ULK4: variants seen among roughly 807,000 people sequenced by gnomAD.
ULK4 encodes unc-51 like kinase 4.
In ULK4, 133 loss-of-function variants were observed where a neutral mutation model predicts 160.6. The observed-to-expected ratio is 0.83, with a 90% CI of 0.72 to 0.96. ULK4 has a LOEUF of 0.96. Among genes scored for constraint, ULK4 ranks in the 40% least tolerant of loss-of-function variants. ULK4 has a pLI of 0.00. For missense variants in ULK4, 1,580 were observed against 1,499.5 expected, an observed-to-expected ratio of 1.05 and a Z score of -0.89; for synonymous variants, 534 against 539.8, an observed-to-expected ratio of 0.99 and a Z score of 0.15.
intron 35 of ULK4, among the ~76,000 whole-genome samples, chr3:41,322,688 T>C (rs1233420170): frequency 6.6e-6 from 1 of 152,222 alleles, no homozygotes; most frequent in Non-Finnish European, 1.5e-5. Context: ...CTTACTTCTT[T>C]CCAAGCTATT....
At chr3:41,570,864 A>G (rs1305753928) in intron 31 of ULK4, among the ~76,000 whole-genome samples, 1 of 152,150 alleles carries the variant, frequency 6.6e-6, no homozygotes, top group African/African-American at 2.4e-5. Flanking sequence ...TGAAGAATAA[A>G]GGCCCCTGCC....
intron 35 of ULK4, among the ~76,000 whole-genome samples, chr3:41,346,055 C>A (rs556363653): frequency 6.6e-6 from 1 of 151,900 alleles, no homozygotes; most frequent in African/African-American, 2.4e-5. Context: ...GGACAGGATG[C>A]GTGAGAGGCA....
intron 2 of ULK4, among the ~76,000 whole-genome samples, chr3:41,938,491 G>T (rs1466524615): frequency 6.6e-6 from 1 of 152,134 alleles, no homozygotes; most frequent in East Asian, 1.9e-4. Context: ...AGAGCAGCCT[G>T]ACCAACGCGG....
intron 34 of ULK4, among the ~76,000 whole-genome samples, chr3:41,446,529 T>C (rs1191752785): frequency 1.3e-5 from 2 of 152,034 alleles, no homozygotes; most frequent in East Asian, 3.9e-4. Context: ...ATATACACCA[T>C]GGAATACTAT....
intron 29 of ULK4, among the ~76,000 whole-genome samples, chr3:41,664,875 C>A (rs2035305703): frequency 1.3e-5 from 2 of 152,150 alleles, no homozygotes; most frequent in South Asian, 4.1e-4. Flanking sequence ...GTTTTCATCA[C>A]AATTTCCACA....
intron 32 of ULK4, among the ~76,000 whole-genome samples, chr3:41,528,156 G>A (rs1304869923): frequency 6.6e-6 from 1 of 152,006 alleles, no homozygotes; most frequent in Non-Finnish European, 1.5e-5. Flanking sequence ...CTCCCTCATC[G>A]AGCAGGACAC....
chr3:41,900,809 A>C lies in ULK4; in HGVS notation c.1203T>G (p.Ser401Arg). Residue 401 changes from serine (S) to arginine (R), a missense_variant, in exon 13 of 37, where the codon AGT (serine) becomes AGG (arginine). Coordinates refer to ENST00000301831, the MANE Select transcript of ULK4 (RefSeq NM_017886.4). ...PLTKITSGHLSQQDLESQMRE... is the reference protein window; with the variant it reads ...PLTKITSGHLRQQDLESQMRE... ...TCATCTGGGATTCCAGGTCCTGCTG[A>C]CTCAGGTGTCCACTTGTAATCTGAA... 6.2e-7 allele frequency: 1 copy of C among 1,613,524 alleles called. No individual in the cohort carries two copies. The highest frequency in any genetic ancestry group is 8.5e-7 in the Non-Finnish European group (1 of 1,179,646).
intron 17 of ULK4, among the ~76,000 whole-genome samples, chr3:41,877,871 C>G (rs960668119): frequency 1.3e-5 from 2 of 151,790 alleles, no homozygotes; most frequent in African/African-American, 4.8e-5. Context: ...ATCTCAGCTA[C>G]TCAAGAGGCT....
chr3:41,300,257 C>T (rs2079757442), intron 35 of ULK4, among the ~76,000 whole-genome samples: 1 of 152,154 alleles, frequency 6.6e-6, no homozygotes, highest in Non-Finnish European at 1.5e-5. Context: ...CAATTTGAAA[C>T]TGCAAAGAAC....
rs551057537 is a variant in ULK4 at position 41,660,127 on chromosome 3, T to C, written c.3071+3480A>G. On this transcript the variant is annotated intron_variant, in intron 30 of 36. Coordinates refer to ENST00000301831, the MANE Select transcript of ULK4 (RefSeq NM_017886.4). The stretch of plus-strand genomic sequence containing the variant: ...CAACATGGAGAAACCCTGTCTCTAC[T>C]AAAAAATACAAAAACAAATTAGTGG... Among the ~76,000 whole-genome samples the C allele has an allele frequency of 3.9e-5, 6 of 152,034 alleles. No homozygotes were observed. In the South Asian group the frequency reaches 6.2e-4, roughly 16 times the overall value.
chr3:41,338,491 G>A (rs1430418599), intron 35 of ULK4, among the ~76,000 whole-genome samples: 1 of 152,070 alleles, frequency 6.6e-6, no homozygotes, highest in Non-Finnish European at 1.5e-5. Flanking sequence ...TTCCCCACAA[G>A]CCTTTCTACA....
intron 35 of ULK4, among the ~76,000 whole-genome samples, chr3:41,265,245 A>C (rs967221493): frequency 6.6e-6 from 1 of 152,226 alleles, no homozygotes; most frequent in Non-Finnish European, 1.5e-5. Context: ...CAAGGTGGCC[A>C]GCTCTGAGAA....
intron 35 of ULK4, among the ~76,000 whole-genome samples, chr3:41,280,683 C>A (rs924984120): frequency 6.6e-6 from 1 of 152,154 alleles, no homozygotes; most frequent in African/African-American, 2.4e-5. Flanking sequence ...ATTTATAGCA[C>A]TAAATGCCCA....
At chr3:41,886,836 A>G (rs1697739945) in intron 16 of ULK4, among the ~76,000 whole-genome samples, 1 of 152,166 alleles carries the variant, frequency 6.6e-6, no homozygotes, top group Non-Finnish European at 1.5e-5. Flanking sequence ...GGCCTCCCAA[A>G]GTGCTGAGAT....
intron 31 of ULK4, among the ~76,000 whole-genome samples, chr3:41,584,782 A>G (rs2030669634): frequency 6.6e-6 from 1 of 152,246 alleles, no homozygotes; most frequent in Non-Finnish European, 1.5e-5. Flanking sequence ...ATAATGTCAA[A>G]TTCTAACTCA....
intron 18 of ULK4, among the ~76,000 whole-genome samples, chr3:41,827,414 C>T (rs2041401652): frequency 6.6e-6 from 1 of 151,492 alleles, no homozygotes; most frequent in African/African-American, 2.4e-5. Flanking sequence ...AGACCACTAG[C>T]AAGACTATCA....
intron 35 of ULK4, among the ~76,000 whole-genome samples, chr3:41,271,434 C>G (rs539370620): frequency 3.0e-4 from 46 of 151,176 alleles, no homozygotes; most frequent in African/African-American, 1.1e-3. Flanking sequence ...CTCTGTTGCC[C>G]AGGCTGGAGT....
rs185355051 is a variant in ULK4 at position 41,365,572 on chromosome 3, A to G, written c.3678+32507T>C. ...AAGCACTTTGCTTACACTATATCTC[A>G]TTTAATCCTCATAACAATTTTATGG... On this transcript the variant is annotated intron_variant, in intron 35 of 36. Transcript: ENST00000301831. Among the ~76,000 whole-genome samples the G allele has an allele frequency of 2.9e-3, 438 of 152,226 alleles. 2 individuals carry two copies. Among genetic ancestry groups the G allele is most frequent in the Non-Finnish European group, 4.1e-3 (277 of 67,996 alleles).
At chr3:41,395,950 T>C (rs1013252974) in intron 35 of ULK4, among the ~76,000 whole-genome samples, 1 of 152,120 alleles carries the variant, frequency 6.6e-6, no homozygotes, top group Admixed American at 6.6e-5. Flanking sequence ...CCATTTTAAA[T>C]AGTAAAGCAA....
Sources: gnomAD v4.1 joint callset for allele counts (sites outside exome capture counted in the v4.1 genomes callset) on GRCh38, gnomAD v4.1.1 for gene constraint, MANE v1.5 for transcripts, NCBI Gene and HGNC (gene_info 2026-07-23, HGNC 2026-07-21) for gene names.